The following ALK variants were observed in gnomAD, a reference collection of about 807,000 sequenced individuals.
ALK encodes ALK receptor tyrosine kinase.
In ALK, 74 loss-of-function variants were observed where a neutral mutation model predicts 163.1. The observed-to-expected ratio is 0.45, with a 90% confidence interval of 0.38 to 0.55. ALK has a LOEUF of 0.55. Ranked by LOEUF, ALK falls within the 20% of genes least tolerant of loss-of-function variation. The pLI, the probability that ALK is intolerant of heterozygous loss-of-function variation, is 0.00. For synonymous variants in ALK, 960 were observed against 843.2 expected, an observed-to-expected ratio of 1.14 and a Z score of -2.40; for missense variants, 2,063 against 2,105.3, an observed-to-expected ratio of 0.98 and a Z score of 0.39.
chr2:29,537,978 T>A (rs1162770837), intron 3 of ALK, among the ~76,000 whole-genome samples: 1 of 152,218 alleles, frequency 6.6e-6, no homozygotes, highest in African/African-American at 2.4e-5. Context: ...GTTTCTCCAC[T>A]TTGGAACAAG....
chr2:29,511,119 T>C (rs1243916754), intron 4 of ALK, among the ~76,000 whole-genome samples: 1 of 152,172 alleles, frequency 6.6e-6, no homozygotes, highest in East Asian at 1.9e-4. Flanking sequence ...GTCAGCTTTA[T>C]TGAGGCAAAA....
At chr2:29,533,242 C>A (rs1402891583) in intron 3 of ALK, among the ~76,000 whole-genome samples, 1 of 152,186 alleles carries the variant, frequency 6.6e-6, no homozygotes, top group African/African-American at 2.4e-5. Context: ...GAAAAGTGAT[C>A]TACAACTGTC....
At chr2:29,305,952 C>G (rs1666497741) in intron 8 of ALK, among the ~76,000 whole-genome samples, 1 of 152,122 alleles carries the variant, frequency 6.6e-6, no homozygotes. Flanking sequence ...GCTGATCTGA[C>G]AGGAGGCAGA....
At chr2:29,508,624 C>A (rs1177025794) in intron 4 of ALK, among the ~76,000 whole-genome samples, 1 of 148,604 alleles carries the variant, frequency 6.7e-6, no homozygotes, top group Non-Finnish European at 1.5e-5. Context: ...TGCAGCACAC[C>A]AACATGGCAC....
chr2:29,364,747 A>G (rs922396264), intron 5 of ALK, among the ~76,000 whole-genome samples: 1 of 152,140 alleles, frequency 6.6e-6, no homozygotes, highest in Admixed American at 6.5e-5. Context: ...CTTACATTTC[A>G]TTTAGTCTTA....
chr2:29,628,371 A>T (rs1252734648), intron 3 of ALK, among the ~76,000 whole-genome samples: 1 of 152,178 alleles, frequency 6.6e-6, no homozygotes, highest in Non-Finnish European at 1.5e-5. Context: ...AAAACACGCT[A>T]TATAGCTAAT....
chr2:29,363,881 A>G (rs12986732), intron 5 of ALK, among the ~76,000 whole-genome samples: 48,847 of 152,012 alleles, frequency 0.32, 8,185 homozygotes, highest in Middle Eastern at 0.38. Flanking sequence ...TAATAATACT[A>G]TAGCTGGAAA....
intron 11 of ALK, among the ~76,000 whole-genome samples, chr2:29,259,801 G>A (rs1665038505): frequency 6.6e-6 from 1 of 152,098 alleles, no homozygotes; most frequent in South Asian, 2.1e-4. Flanking sequence ...TTTTCCTGGA[G>A]TTATACTTTT....
chr2:29,703,963 G>T (rs943748035), intron 2 of ALK, among the ~76,000 whole-genome samples: 4 of 152,164 alleles, frequency 2.6e-5, no homozygotes, highest in African/African-American at 7.2e-5. Context: ...AACACCAGAC[G>T]GGAGCTGGTC....
chr2:29,891,428 C>T (rs1462288670), intron 1 of ALK, among the ~76,000 whole-genome samples: 1 of 152,134 alleles, frequency 6.6e-6, no homozygotes, highest in Non-Finnish European at 1.5e-5. Flanking sequence ...TAAATAAGCA[C>T]AATGTTGACA....
chr2:29,559,070 A>T (rs995705878), intron 3 of ALK, among the ~76,000 whole-genome samples: 4 of 152,208 alleles, frequency 2.6e-5, no homozygotes, highest in Middle Eastern at 3.2e-3. Flanking sequence ...GGGTTCAGAC[A>T]GAAGAACCTT....
At chr2:29,316,963 G>A (rs1265612496) in intron 8 of ALK, among the ~76,000 whole-genome samples, 1 of 152,182 alleles carries the variant, frequency 6.6e-6, no homozygotes, top group East Asian at 1.9e-4. Flanking sequence ...CCATTTGCTT[G>A]CCAAGTGGAG....
At chr2:29,288,371 C>T (rs80152926) in intron 9 of ALK, among the ~76,000 whole-genome samples, 331 of 152,334 alleles carry the variant, frequency 2.2e-3, no homozygotes, top group African/African-American at 7.7e-3. Context: ...ATATCCCTCT[C>T]TGGATGACTG....
At chr2:29,654,531 C>A (rs1212703050) in intron 3 of ALK, among the ~76,000 whole-genome samples, 1 of 152,096 alleles carries the variant, frequency 6.6e-6, no homozygotes, top group Non-Finnish European at 1.5e-5. Context: ...TAGGGGAACA[C>A]TGAATATGAA....
At chr2:29,232,260 G>T in intron 15 of ALK, 44 bp downstream of exon 15, 1 of 1,612,878 alleles carries the variant, frequency 6.2e-7, no homozygotes. Flanking sequence ...CCAGCTGAAG[G>T]CCTGGGAGAG....
chr2:29,520,568 C>T (rs1672783696), intron 4 of ALK, among the ~76,000 whole-genome samples: 1 of 152,172 alleles, frequency 6.6e-6, no homozygotes, highest in Non-Finnish European at 1.5e-5. Context: ...GTGGTGCAAT[C>T]AGCTCTGCTC....
chr2:29,668,141 T>G (rs1677573758), intron 3 of ALK, among the ~76,000 whole-genome samples: 1 of 152,082 alleles, frequency 6.6e-6, no homozygotes, highest in South Asian at 2.1e-4. Flanking sequence ...TGTCCCCCTC[T>G]TCATTTCTAA....
intron 1 of ALK, among the ~76,000 whole-genome samples, chr2:29,828,083 A>G (rs890653225): frequency 6.6e-6 from 1 of 152,236 alleles, no homozygotes; most frequent in African/African-American, 2.4e-5. Flanking sequence ...TCCCTGTTTA[A>G]TAAATAGTGC....
chr2:29,756,526 T>C (rs886640760), intron 1 of ALK, among the ~76,000 whole-genome samples: 8 of 122,072 alleles, frequency 6.6e-5, no homozygotes, highest in Admixed American at 4.9e-4. Flanking sequence ...CATTTACTCA[T>C]TGATTTTTTT....
Sources: gnomAD v4.1 joint callset for allele counts (sites outside exome capture counted in the v4.1 genomes callset) on GRCh38, gnomAD v4.1.1 for gene constraint, MANE v1.5 for transcripts, NCBI Gene and HGNC (gene_info 2026-07-23, HGNC 2026-07-21) for gene names.